ETV7: variants seen among roughly 807,000 people sequenced by gnomAD.
ETV7 encodes the protein transcription factor ETV7.
Under a neutral mutation model 39.1 loss-of-function variants are expected in ETV7, and 43 were observed. The ratio of observed to expected loss-of-function variants is 1.10; its 90% CI spans 0.86 to 1.42. The LOEUF (loss-of-function observed/expected upper bound fraction) is 1.42. ETV7 is among the 40% of genes most tolerant of loss of function. The probability of loss-of-function intolerance (pLI) is 0.00; values close to 1 mark genes in which losing one functional copy is unlikely to be tolerated. For missense variants in ETV7, 432 were observed against 442.3 expected (o/e 0.98, Z 0.21); for synonymous variants, 196 against 176.6 (o/e 1.11, Z -0.87).
chr6:36,366,409 A>G lies in ETV7; in HGVS notation c.*236T>C, dbSNP rs1772718735. 1 of 1,365,240 alleles carries G rather than the reference A, an allele frequency of 7.3e-7. No homozygotes were observed. Among genetic ancestry groups the G allele is most frequent in the African/African-American group, 1.5e-5 (1 of 68,482 alleles). 84.6% of individuals were successfully genotyped at this position (1,365,240 alleles called of 1,614,324 possible). On this transcript the variant is annotated 3_prime_UTR_variant, in exon 8 of 8. Transcript: ENST00000340181. ...TCCTCTCCCAGGGGTGCAGTAGGGG[A>G]GAGTCCATTCCCCTGTACCTCATTT...
At chr6:36,387,510 T>A in intron 1 of ETV7, 26 bp downstream of exon 1, 1 of 1,614,064 alleles carries the variant, frequency 6.2e-7, no homozygotes, top group Non-Finnish European at 8.5e-7. Flanking sequence ...GCGTGCGCGC[T>A]GCGTGTTCAG....
intron 7 of ETV7, among the ~76,000 whole-genome samples, chr6:36,359,241 G>A (rs1261951128): frequency 2.6e-5 from 4 of 152,180 alleles, no homozygotes; most frequent in East Asian, 1.9e-4. Context: ...ACCTGAGGTC[G>A]AGAGTTCAAG....
At chr6:36,372,683 T>G (rs1219689754) in intron 4 of ETV7, among the ~76,000 whole-genome samples, 13 of 85,022 alleles carry the variant, frequency 1.5e-4, no homozygotes, top group Admixed American at 4.4e-4. Context: ...AGGGTGGAGG[T>G]GGGGTTTGTG....
At chr6:36,383,679 G>A (rs376057675) in intron 2 of ETV7, among the ~76,000 whole-genome samples, 6 of 152,316 alleles carry the variant, frequency 3.9e-5, no homozygotes, top group African/African-American at 1.2e-4. Context: ...TCTTCATTTG[G>A]TGTCAGCAGT....
chr6:36,371,411 A>G lies in ETV7; in HGVS notation c.583T>C (p.Cys195Arg), dbSNP rs758716764. Residue 195 changes from cysteine (C) to arginine (R), a missense_variant, in exon 5 of 8, where the codon TGT (cysteine) becomes CGT (arginine). Cys to Arg is a radical substitution (Grantham distance 180). Transcript: ENST00000340181. Reference protein sequence around the residue: ...GKEESLNLCHCAELGCRTQGV... With the variant: ...GKEESLNLCHRAELGCRTQGV... Reference sequence around the variant, plus strand: ...TGGGTCCTGCAGCCGAGCTCTGCACAGTGACATAAGTTGAGGGACTCCTCC... The same window carrying G: ...TGGGTCCTGCAGCCGAGCTCTGCACGGTGACATAAGTTGAGGGACTCCTCC... The G allele has an allele frequency of 1.9e-5, 31 of 1,602,846 alleles. No homozygotes were observed. The highest frequency in any genetic ancestry group is 2.6e-5 in the Non-Finnish European group (30 of 1,174,170).
chr6:36,370,496 C>T (rs1772961568), intron 5 of ETV7, among the ~76,000 whole-genome samples: 2 of 151,982 alleles, frequency 1.3e-5, no homozygotes, highest in Admixed American at 6.6e-5. Flanking sequence ...GATCATGCCA[C>T]AGCTCTCCAG....
intron 3 of ETV7, 23 bp from the exon 4 acceptor site, chr6:36,373,601 G>GTGGC: frequency 1.1e-5 from 5 of 475,630 alleles, no homozygotes; most frequent in Non-Finnish European, 2.0e-5. Context: ...GGGAGGGAGG[G>GTGGC]CAGGCTGCTG....
rs1773306740 is a variant in ETV7 at position 36,375,887 on chromosome 6, G to A, written c.291C>T (p.His97=). 3.1e-6 allele frequency: 5 copies of A among 1,614,084 alleles called. No homozygotes were observed. The highest frequency in any genetic ancestry group is 1.6e-4 in the Middle Eastern group (1 of 6,062). Residue 97 remains histidine (H), a synonymous_variant, in exon 3 of 8, where the codon CAC becomes CAT. Transcript: ENST00000340181. The part of the protein sequence containing the change: ...LCILTKDDFR[H]RAPSSGDVLY... Reference sequence around the variant, plus strand: ...TTCCCTGACCTGAGCTGGGCGCACGGTGCCGGAAGTCGTCCTTGGTGAGGA... The same window carrying A: ...TTCCCTGACCTGAGCTGGGCGCACGATGCCGGAAGTCGTCCTTGGTGAGGA...
intron 7 of ETV7, among the ~76,000 whole-genome samples, chr6:36,355,402 T>G (rs1204624408): frequency 1.3e-5 from 2 of 152,092 alleles, no homozygotes; most frequent in Non-Finnish European, 2.9e-5. Context: ...AGACTTTTTT[T>G]TTTTTTTGAG....
chr6:36,385,451 A>C (rs1265456643), intron 2 of ETV7, 83 bp downstream of exon 2: 14 of 1,566,250 alleles, frequency 8.9e-6, no homozygotes, highest in Non-Finnish European at 1.1e-5. Context: ...TAGCCTAAGT[A>C]AGCAACAGAG....
chr6:36,354,965 T>C (rs1369974514), intron 7 of ETV7, among the ~76,000 whole-genome samples: 1 of 152,256 alleles, frequency 6.6e-6, no homozygotes, highest in Non-Finnish European at 1.5e-5. Flanking sequence ...AGAAATACAA[T>C]TGACTTTTGT....
intron 1 of ETV7, among the ~76,000 whole-genome samples, chr6:36,385,941 T>C (rs151249921): frequency 6.6e-6 from 1 of 152,264 alleles, no homozygotes; most frequent in East Asian, 1.9e-4. Flanking sequence ...ACTTGTATGA[T>C]TGAAATCTGA....
rs1289925690 is a variant in ETV7, at chr6:36,371,201, G to A, written c.664+129C>T. The A allele has an allele frequency of 8.4e-5, 78 of 931,536 alleles. No individual in the cohort carries two copies. The East Asian group carries it at 1.9e-3, about 23-fold the overall frequency. The allele number at this position is 931,536 out of a possible 1,614,324, so 57.7% of individuals were successfully genotyped here. On this transcript the variant is annotated intron_variant, in intron 5 of 7. Transcript: ENST00000340181. ...GTGGCTAGCACACAGGACAGTCAAC[G>A]CTACCCTGCAATCCCCCAGCCACAG... is the stretch of plus-strand genomic sequence containing the variant.
intron 2 of ETV7, among the ~76,000 whole-genome samples, chr6:36,379,782 G>A (rs553668513): frequency 3.3e-5 from 5 of 151,362 alleles, no homozygotes; most frequent in Middle Eastern, 3.4e-3. Context: ...AGGCTGAGAC[G>A]GGAGAATCAC....
chr6:36,355,244 G>A (rs1485251046), intron 7 of ETV7, among the ~76,000 whole-genome samples: 1 of 152,198 alleles, frequency 6.6e-6, no homozygotes, highest in Non-Finnish European at 1.5e-5. Context: ...TGATCAGCTT[G>A]AGGAAGTTCT....
chr6:36,371,864 T>C (rs567106609), intron 4 of ETV7, among the ~76,000 whole-genome samples: 1 of 152,374 alleles, frequency 6.6e-6, no homozygotes, highest in East Asian at 1.9e-4. Flanking sequence ...CTGTATCCCA[T>C]GTCCTCTCCA....
downstream of ETV7, among the ~76,000 whole-genome samples, chr6:36,362,301 CA>C (rs35241955): frequency 8.2e-3 from 1,110 of 134,940 alleles, 15 homozygotes; most frequent in African/African-American, 0.025. Context: ...GACTCTGTCT[CA>C]AAAAAAAAAA....
At chr6:36,378,641 T>C (rs1773495111) in intron 2 of ETV7, among the ~76,000 whole-genome samples, 1 of 152,202 alleles carries the variant, frequency 6.6e-6, no homozygotes, top group Admixed American at 6.5e-5. Context: ...AAAAAATCTT[T>C]CCAGCAATCC....
chr6:36,364,578 GC>G (rs1196643978), downstream of ETV7, among the ~76,000 whole-genome samples: 1 of 152,244 alleles, frequency 6.6e-6, no homozygotes, highest in Admixed American at 6.5e-5. Flanking sequence ...GCCCGCAAGC[GC>G]CGCGCACAGC....
Sources: gnomAD v4.1 joint callset for allele counts (sites outside exome capture counted in the v4.1 genomes callset) on GRCh38, gnomAD v4.1.1 for gene constraint, MANE v1.5 for transcripts, NCBI Gene and HGNC (gene_info 2026-07-23, HGNC 2026-07-21) for gene names.